The following CMTM7 variants were observed in gnomAD, a reference collection of about 807,000 sequenced individuals.
CMTM7 encodes the protein CKLF like MARVEL transmembrane domain containing 7, also known as CKLF-like MARVEL transmembrane domain-containing protein 7.
Under a neutral mutation model 19.3 loss-of-function variants are expected in CMTM7, and 7 were observed. The ratio of observed to expected loss-of-function variants is 0.36; its 90% CI spans 0.21 to 0.68. The LOEUF (loss-of-function observed/expected upper bound fraction) is 0.68. Ranked by LOEUF, CMTM7 falls within the 30% of genes least tolerant of loss-of-function variation. The pLI is 0.60. For missense variants in CMTM7, 193 were observed against 232.6 expected, an observed-to-expected ratio of 0.83 and a Z score of 1.11; for synonymous variants, 87 against 99.3, an observed-to-expected ratio of 0.88 and a Z score of 0.74.
chr3:32,443,668 T>G (rs1361420945), intron 2 of CMTM7, among the ~76,000 whole-genome samples: 3 of 152,204 alleles, frequency 2.0e-5, no homozygotes, highest in Admixed American at 2.0e-4. Flanking sequence ...TGGCTCACTG[T>G]TTTACATTCC....
chr3:32,453,841 T>A (rs139335357), intron 4 of CMTM7, among the ~76,000 whole-genome samples: 211 of 152,140 alleles, frequency 1.4e-3, no homozygotes, highest in Middle Eastern at 3.4e-3. Context: ...TAAAGCTGTT[T>A]AAGAAAAAAA....
intron 1 of CMTM7, among the ~76,000 whole-genome samples, chr3:32,430,869 C>T (rs1696508555): frequency 6.6e-6 from 1 of 152,154 alleles, no homozygotes; most frequent in Non-Finnish European, 1.5e-5. Flanking sequence ...ACTCACCTCT[C>T]CTCTAGACAG....
rs138135352 is a variant in CMTM7 at position 32,445,537 on chromosome 3, G to A, written c.333+3524G>A. ...TTTTTTTGTTTTGTTTTTTTAGACA[G>A]GATCTTGGTCTATCATCCAGGCTGG... On this transcript the variant is annotated intron_variant, in intron 2 of 4. Transcript: ENST00000334983. Among the ~76,000 whole-genome samples, 1,339 of 152,090 alleles carry A rather than the reference G, an allele frequency of 8.8e-3. 12 individuals carry two copies. The highest frequency in any genetic ancestry group is 0.03 in the African/African-American group (1,238 of 41,470).
In CMTM7 at chr3:32,411,696, A is replaced by G. The variant is rs186287832; in HGVS notation, c.159+19631A>G. ...GATTTTCTTCCTCCTGCTGGCACCT[A>G]TGACACACGTTTTGATGCTGGTGTG... On this transcript the variant is annotated intron_variant, in intron 1 of 4. Transcript: ENST00000334983. Among the ~76,000 whole-genome samples the G allele has an allele frequency of 6.6e-3, 1,012 of 152,350 alleles. 6 individuals are homozygous for G. Among genetic ancestry groups the G allele is most frequent in the Admixed American group, 0.01 (159 of 15,308 alleles).
At chr3:32,398,801 T>C (rs2125618384) in intron 1 of CMTM7, among the ~76,000 whole-genome samples, 1 of 151,964 alleles carries the variant, frequency 6.6e-6, no homozygotes, top group East Asian at 1.9e-4. Context: ...CTGGGCAACA[T>C]GGTGAAACCC....
In CMTM7 at chr3:32,449,372, C is replaced by A; in HGVS notation, c.334-82C>A. On this transcript the variant is annotated intron_variant, in intron 2 of 4. Coordinates refer to ENST00000334983, the MANE Select transcript of CMTM7 (RefSeq NM_138410.4). This position sits in a 1 kb window ranked among gnomAD's most constrained non-coding sequence, Gnocchi z 4.5. ...AAGCGTCACTCTCTCCCTTTCTTTT[C>A]ATGTCTTCTGATGCCCAGTTGCTCT... 1.1e-6 allele frequency: 1 copy of A among 937,206 alleles called. No individual in the cohort carries two copies. Among genetic ancestry groups the A allele is most frequent in the Non-Finnish European group, 1.8e-6 (1 of 562,432 alleles). The allele number at this position is 937,206 out of a possible 1,614,324, so 58.1% of individuals were successfully genotyped here. A position where few individuals can be genotyped will look rare whatever the true frequency, so the allele number is the denominator to read the frequency against.
chr3:32,442,116 T>C, intron 2 of CMTM7, 103 bp downstream of exon 2: 1 of 1,050,272 alleles, frequency 9.5e-7, no homozygotes, highest in Non-Finnish European at 1.4e-6. Flanking sequence ...TCTCACCTCT[T>C]TAACCATTCT....
At chr3:32,435,381 G>A (rs566693745) in intron 1 of CMTM7, among the ~76,000 whole-genome samples, 23 of 152,232 alleles carry the variant, frequency 1.5e-4, no homozygotes, top group Non-Finnish European at 2.8e-4. Context: ...TCCAGCCTGG[G>A]CGACTGGGAG....
intron 1 of CMTM7, among the ~76,000 whole-genome samples, chr3:32,404,100 AT>A (rs1696051079): frequency 6.9e-6 from 1 of 145,444 alleles, no homozygotes; most frequent in Non-Finnish European, 1.5e-5. Context: ...ATGTCTGCTG[AT>A]TTTACATGCA....
intron 1 of CMTM7, among the ~76,000 whole-genome samples, chr3:32,405,315 CT>C (rs1696076421): frequency 1.3e-5 from 2 of 152,196 alleles, no homozygotes; most frequent in African/African-American, 4.8e-5. Flanking sequence ...TCACAAAAGC[CT>C]TTTTATCCTG....
At chr3:32,448,703 C>G (rs1471060844) in intron 2 of CMTM7, among the ~76,000 whole-genome samples, 1 of 151,846 alleles carries the variant, frequency 6.6e-6, no homozygotes, top group Non-Finnish European at 1.5e-5. Flanking sequence ...AAGGTGGAAC[C>G]AGTCCTGCCA....
chr3:32,426,772 G>A (rs1329102661), intron 1 of CMTM7, among the ~76,000 whole-genome samples: 2 of 152,150 alleles, frequency 1.3e-5, no homozygotes, highest in South Asian at 2.1e-4. Context: ...ATGCATGAGT[G>A]TTTTAAAATT....
intron 1 of CMTM7, among the ~76,000 whole-genome samples, chr3:32,425,545 T>A (rs1696418299): frequency 2.0e-5 from 3 of 152,176 alleles, no homozygotes; most frequent in Non-Finnish European, 2.9e-5. Flanking sequence ...TTTTTCCCAT[T>A]TGTAAATTAA....
At chr3:32,418,968 A>G (rs1696305773) in intron 1 of CMTM7, among the ~76,000 whole-genome samples, 1 of 152,234 alleles carries the variant, frequency 6.6e-6, no homozygotes, top group South Asian at 2.1e-4. Context: ...TTGAACCTGC[A>G]TATCCATTTG....
At chr3:32,407,774 G>A (rs72857160) in intron 1 of CMTM7, among the ~76,000 whole-genome samples, 1 of 152,278 alleles carries the variant, frequency 6.6e-6, no homozygotes, top group South Asian at 2.1e-4. Context: ...GGGGGTCTGC[G>A]TGCTGACGGG....
intron 2 of CMTM7, among the ~76,000 whole-genome samples, chr3:32,447,111 G>A (rs1024014109): frequency 1.3e-5 from 2 of 151,936 alleles, no homozygotes; most frequent in Admixed American, 6.5e-5. Flanking sequence ...TTGGTATATT[G>A]TGTCTTCATT....
At chr3:32,428,655 T>A (rs1445221195) in intron 1 of CMTM7, among the ~76,000 whole-genome samples, 2 of 152,224 alleles carry the variant, frequency 1.3e-5, no homozygotes, top group Non-Finnish European at 2.9e-5. Context: ...TTACATAACA[T>A]CTTTGTTTGG....
chr3:32,407,529 A>G (rs1349394726), intron 1 of CMTM7, among the ~76,000 whole-genome samples: 4 of 152,212 alleles, frequency 2.6e-5, no homozygotes, highest in Non-Finnish European at 5.9e-5. Flanking sequence ...AACCACAGAA[A>G]AAGTTTCCTG....
chr3:32,452,012 C>G, intron 3 of CMTM7: 1 of 1,160,022 alleles, frequency 8.6e-7, no homozygotes, highest in Non-Finnish European at 1.2e-6. Context: ...TGGGAACGTT[C>G]AGATTTTTTT....
Sources: gnomAD v4.1 joint callset for allele counts (sites outside exome capture counted in the v4.1 genomes callset) on GRCh38, gnomAD v4.1.1 for gene constraint, Gnocchi (gnomAD v3.1) non-coding constraint, MANE v1.5 for transcripts, NCBI Gene and HGNC (gene_info 2026-07-23, HGNC 2026-07-21) for gene names.